The following GPC6 variants were observed in gnomAD, a reference collection of about 807,000 sequenced individuals.
GPC6 encodes glypican-6.
A neutral mutation model predicts 55.2 loss-of-function variants in GPC6; 14 were observed. The ratio of observed to expected loss-of-function variants is 0.25; its 90% CI spans 0.17 to 0.40. The LOEUF is 0.40. Ranked by LOEUF, GPC6 falls within the 10% of genes least tolerant of loss-of-function variation. The pLI is 1.00. For missense variants in GPC6, 641 were observed against 708.5 expected (o/e 0.90, Z 1.08); for synonymous variants, 278 against 259.6 (o/e 1.07, Z -0.68).
chr13:94,079,351 AAC>A (rs1885028587), intron 4 of GPC6, among the ~76,000 whole-genome samples: 1 of 152,124 alleles, frequency 6.6e-6, no homozygotes, highest in African/African-American at 2.4e-5. Context: ...TTCAGAAGTA[AAC>A]ACAGTGATAT....
intron 1 of GPC6, among the ~76,000 whole-genome samples, chr13:93,416,354 ACTT>A (rs1218103862): frequency 6.6e-6 from 1 of 152,120 alleles, no homozygotes; most frequent in African/African-American, 2.4e-5. Flanking sequence ...TGTCTAAGGA[ACTT>A]TAATACATTA....
intron 3 of GPC6, among the ~76,000 whole-genome samples, chr13:93,926,703 G>A (rs752896655): frequency 6.6e-6 from 1 of 152,144 alleles, no homozygotes; most frequent in Non-Finnish European, 1.5e-5. Context: ...TAATTCAAAT[G>A]TAATGATCTG....
At chr13:93,540,935 G>T (rs1221583931) in intron 1 of GPC6, among the ~76,000 whole-genome samples, 1 of 151,976 alleles carries the variant, frequency 6.6e-6, no homozygotes, top group Non-Finnish European at 1.5e-5. Flanking sequence ...ATGAGAACAT[G>T]CAATGTTTAT....
chr13:93,694,936 T>C (rs1259620827), intron 2 of GPC6, among the ~76,000 whole-genome samples: 1 of 152,118 alleles, frequency 6.6e-6, no homozygotes, highest in African/African-American at 2.4e-5. Context: ...CACACCTCTG[T>C]TCTGGAAAAT....
chr13:94,394,118 A>G (rs997416259), intron 7 of GPC6, among the ~76,000 whole-genome samples: 3 of 152,212 alleles, frequency 2.0e-5, no homozygotes, highest in Non-Finnish European at 1.5e-5. Context: ...GATGTAGTCA[A>G]GGACACTCAC....
intron 4 of GPC6, among the ~76,000 whole-genome samples, chr13:94,093,848 C>G (rs1174477870): frequency 6.6e-6 from 1 of 151,920 alleles, no homozygotes; most frequent in Non-Finnish European, 1.5e-5. Flanking sequence ...ACATCTAATC[C>G]TAGGGAGAGC....
intron 2 of GPC6, among the ~76,000 whole-genome samples, chr13:93,597,788 C>T (rs1396382116): frequency 2.6e-5 from 4 of 152,000 alleles, no homozygotes; most frequent in Non-Finnish European, 4.4e-5. Context: ...GTTGATTGTT[C>T]GTCTTATCAG....
At chr13:93,703,491 C>T (rs1268751718) in intron 2 of GPC6, among the ~76,000 whole-genome samples, 1 of 151,850 alleles carries the variant, frequency 6.6e-6, no homozygotes, top group Non-Finnish European at 1.5e-5. Flanking sequence ...AAAAGCTTGC[C>T]ACAAACCTTA....
chr13:94,019,602 T>A (rs1382056246), intron 3 of GPC6, among the ~76,000 whole-genome samples: 1 of 152,138 alleles, frequency 6.6e-6, no homozygotes, highest in Non-Finnish European at 1.5e-5. Context: ...CACATCATCT[T>A]CTTCTTTGTG....
intron 4 of GPC6, among the ~76,000 whole-genome samples, chr13:94,244,128 T>G (rs1891131372): frequency 1.3e-5 from 2 of 152,156 alleles, no homozygotes; most frequent in Admixed American, 6.5e-5. Context: ...TTCCTCTCCT[T>G]GCATATTTGG....
chr13:93,445,000 T>C (rs1246171920), intron 1 of GPC6, among the ~76,000 whole-genome samples: 1 of 152,204 alleles, frequency 6.6e-6, no homozygotes, highest in Non-Finnish European at 1.5e-5. Context: ...CCTCAAAATA[T>C]GTAACTTACT....
intron 1 of GPC6, among the ~76,000 whole-genome samples, chr13:93,275,736 C>G (rs750736492): frequency 5.9e-5 from 9 of 152,054 alleles, no homozygotes; most frequent in Non-Finnish European, 1.0e-4. Context: ...TAGAACACAC[C>G]CTCATGTCCT....
chr13:94,172,600 A>G (rs1888611408), intron 4 of GPC6, among the ~76,000 whole-genome samples: 1 of 152,198 alleles, frequency 6.6e-6, no homozygotes. Flanking sequence ...CTTTCCCAAG[A>G]GCTGAGTGCT....
At chr13:94,075,970 A>G (rs1884898372) in intron 4 of GPC6, among the ~76,000 whole-genome samples, 1 of 152,076 alleles carries the variant, frequency 6.6e-6, no homozygotes, top group Admixed American at 6.6e-5. Context: ...TCTTTTGGAC[A>G]TGTACCTGGA....
At chr13:94,209,444 C>G (rs1007487445) in intron 4 of GPC6, among the ~76,000 whole-genome samples, 2 of 152,190 alleles carry the variant, frequency 1.3e-5, no homozygotes, top group African/African-American at 4.8e-5. Context: ...TCCTTTCAGT[C>G]TACCTCATAA....
Position 93,975,803 on chromosome 13 carries a change from A to ATT in GPC6, c.712-51921_712-51920dup, listed in dbSNP as rs555294035. Among the ~76,000 whole-genome samples, 21 of 152,226 alleles carry ATT rather than the reference A, an allele frequency of 1.4e-4. No homozygotes were observed. The South Asian group carries it at 4.4e-3, about 32-fold the overall frequency. On this transcript the variant is annotated intron_variant, in intron 3 of 8. Coordinates refer to ENST00000377047, the MANE Select transcript of GPC6 (RefSeq NM_005708.5). The stretch of plus-strand genomic sequence containing the variant: ...GACATTTTGGTGTTAAATGTATTAG[A>ATT]TTTTTTAAAACGTAGGTGTGATTAG...
chr13:93,943,849 A>G (rs1878856619), intron 3 of GPC6, among the ~76,000 whole-genome samples: 1 of 152,180 alleles, frequency 6.6e-6, no homozygotes, highest in Admixed American at 6.5e-5. Flanking sequence ...GAAGGAGGCA[A>G]GGCTCTAATC....
intron 2 of GPC6, among the ~76,000 whole-genome samples, chr13:93,630,210 T>A (rs1345407158): frequency 6.6e-6 from 1 of 152,176 alleles, no homozygotes; most frequent in Non-Finnish European, 1.5e-5. Context: ...ATTAGGCATA[T>A]CTTCTCAGTT....
At chr13:93,883,588 C>T in intron 3 of GPC6, among the ~76,000 whole-genome samples, 1 of 151,790 alleles carries the variant, frequency 6.6e-6, no homozygotes, top group East Asian at 2.0e-4. Flanking sequence ...GCTTGTTGGC[C>T]ATTTGTGTAT....
Sources: gnomAD v4.1 joint callset for allele counts (sites outside exome capture counted in the v4.1 genomes callset) on GRCh38, gnomAD v4.1.1 for gene constraint, MANE v1.5 for transcripts, NCBI Gene and HGNC (gene_info 2026-07-23, HGNC 2026-07-21) for gene names.